SLCO1A2: variants seen among roughly 807,000 people sequenced by gnomAD.
The protein encoded by SLCO1A2 is solute carrier organic anion transporter family member 1A2, also known as OATP-1.
SLCO1A2 carries 67 observed loss-of-function variants against 69.0 expected under a neutral mutation model. The observed-to-expected ratio is 0.97, with a 90% confidence interval of 0.80 to 1.19. SLCO1A2 has a LOEUF of 1.19. Among genes scored for constraint, SLCO1A2 ranks in the 50% most tolerant of loss-of-function variants. The pLI, the probability that SLCO1A2 is intolerant of heterozygous loss-of-function variation, is 0.00. For missense variants in SLCO1A2, 787 were observed against 793.7 expected (o/e 0.99, Z 0.10); for synonymous variants, 260 against 265.9 (o/e 0.98, Z 0.22).
intron 2 of SLCO1A2, among the ~76,000 whole-genome samples, chr12:21,326,208 TC>T (rs1337446732): frequency 6.6e-6 from 1 of 152,132 alleles, no homozygotes; most frequent in African/African-American, 2.4e-5. Flanking sequence ...CTGTGAGGCT[TC>T]CCCAGCCATG....
At chr12:21,405,077 G>C (rs1941800333) in intron 1 of SLCO1A2, among the ~76,000 whole-genome samples, 1 of 82,668 alleles carries the variant, frequency 1.2e-5, no homozygotes, top group South Asian at 3.7e-4. Context: ...CTTTTTAATG[G>C]CTTTTTTTTT....
At chr12:21,287,276 G>A (rs1284183600) in intron 12 of SLCO1A2, among the ~76,000 whole-genome samples, 1 of 149,770 alleles carries the variant, frequency 6.7e-6, no homozygotes, top group South Asian at 2.1e-4. Flanking sequence ...ATCATCACTG[G>A]CCATCAGAGA....
chr12:21,386,885 G>A (rs915740459), intron 1 of SLCO1A2, among the ~76,000 whole-genome samples: 1 of 152,046 alleles, frequency 6.6e-6, no homozygotes, highest in Admixed American at 6.6e-5. Context: ...GCAGGGCTTT[G>A]GAGACAGGAA....
At chr12:21,275,304 A>AAAT (rs571047861) in intron 13 of SLCO1A2, 56 bp downstream of exon 13, 6 of 1,403,036 alleles carry the variant, frequency 4.3e-6, no homozygotes, top group African/African-American at 1.4e-5. Flanking sequence ...GTGTAATAAA[A>AAAT]AATAATAATA....
chr12:21,329,254 C>G (rs1179408428), intron 2 of SLCO1A2, among the ~76,000 whole-genome samples: 2 of 152,158 alleles, frequency 1.3e-5, no homozygotes, highest in African/African-American at 2.4e-5. Flanking sequence ...ATTATACCCT[C>G]TGGTTTTAAT....
At chr12:21,366,255 T>C (rs1159298143) in intron 2 of SLCO1A2, among the ~76,000 whole-genome samples, 2 of 151,974 alleles carry the variant, frequency 1.3e-5, no homozygotes, top group South Asian at 2.1e-4. Flanking sequence ...TATAGAGACA[T>C]GGAGGAAGCT....
At chr12:21,304,765 C>A (rs1949147017) in intron 5 of SLCO1A2, among the ~76,000 whole-genome samples, 192 bp from the exon 6 acceptor site, 1 of 152,116 alleles carries the variant, frequency 6.6e-6, no homozygotes, top group Non-Finnish European at 1.5e-5. Context: ...TGAGTATGGA[C>A]AAGTGTAAGT....
At chr12:21,345,446 T>A (rs1455040978) in intron 2 of SLCO1A2, among the ~76,000 whole-genome samples, 1 of 152,094 alleles carries the variant, frequency 6.6e-6, no homozygotes, top group East Asian at 1.9e-4. Flanking sequence ...TTACATCTTT[T>A]GTTTTTCCTT....
intron 1 of SLCO1A2, among the ~76,000 whole-genome samples, chr12:21,417,710 G>A (rs1236248038): frequency 1.3e-5 from 2 of 152,094 alleles, no homozygotes; most frequent in Non-Finnish European, 1.5e-5. Context: ...CAAAAATTAT[G>A]TAGAAGATGG....
intron 2 of SLCO1A2, among the ~76,000 whole-genome samples, chr12:21,359,812 A>C (rs1266987467): frequency 2.0e-5 from 3 of 152,208 alleles, no homozygotes; most frequent in Non-Finnish European, 4.4e-5. Flanking sequence ...AGAAAAGAAG[A>C]AGCATGTGTC....
chr12:21,278,824 G>A (rs902952006), intron 12 of SLCO1A2, among the ~76,000 whole-genome samples: 4 of 151,974 alleles, frequency 2.6e-5, no homozygotes, highest in Admixed American at 1.3e-4. Flanking sequence ...AGAACATACA[G>A]GAAAACATGA....
chr12:21,307,545 A>T (rs1949580628), intron 4 of SLCO1A2, among the ~76,000 whole-genome samples: 1 of 152,202 alleles, frequency 6.6e-6, no homozygotes, highest in Non-Finnish European at 1.5e-5. Context: ...AATCACCATG[A>T]CACATAATGT....
chr12:21,375,061 T>G (rs1217348935), intron 1 of SLCO1A2, among the ~76,000 whole-genome samples: 2 of 152,154 alleles, frequency 1.3e-5, no homozygotes, highest in Admixed American at 1.3e-4. Flanking sequence ...CAAGCCTTCC[T>G]CCTGCCTCAG....
intron 2 of SLCO1A2, among the ~76,000 whole-genome samples, chr12:21,359,580 A>G (rs573441895): frequency 6.6e-6 from 1 of 152,210 alleles, no homozygotes; most frequent in African/African-American, 2.4e-5. Flanking sequence ...TCACTAATAA[A>G]TGTCAATGGA....
At chr12:21,352,294 T>C (rs1295757758) in intron 2 of SLCO1A2, among the ~76,000 whole-genome samples, 2 of 152,208 alleles carry the variant, frequency 1.3e-5, no homozygotes, top group South Asian at 2.1e-4. Context: ...CAAAATTCTA[T>C]GAGGTTTGAG....
chr12:21,399,003 G>A (rs1333287327), upstream of SLCO1A2, among the ~76,000 whole-genome samples: 1 of 149,882 alleles, frequency 6.7e-6, no homozygotes, highest in Non-Finnish European at 1.5e-5. Context: ...CTATTCAACA[G>A]AGTGTTGGAA....
intron 2 of SLCO1A2, among the ~76,000 whole-genome samples, chr12:21,330,294 A>G (rs1452523986): frequency 6.6e-6 from 1 of 152,048 alleles, no homozygotes; most frequent in Non-Finnish European, 1.5e-5. Context: ...GGTGTTCGAG[A>G]CCAGCCTGGG....
intron 1 of SLCO1A2, among the ~76,000 whole-genome samples, chr12:21,412,968 G>C (rs1941931947): frequency 2.0e-5 from 3 of 152,158 alleles, no homozygotes; most frequent in Admixed American, 2.0e-4. Flanking sequence ...ACCCAGTTCT[G>C]CCAGATATGT....
At chr12:21,366,982 T>A (rs1470999671) in intron 2 of SLCO1A2, among the ~76,000 whole-genome samples, 1 of 151,816 alleles carries the variant, frequency 6.6e-6, no homozygotes, top group East Asian at 1.9e-4. Flanking sequence ...TAACACAAAT[T>A]TATATATTAA....
Sources: gnomAD v4.1 joint callset for allele counts (sites outside exome capture counted in the v4.1 genomes callset) on GRCh38, gnomAD v4.1.1 for gene constraint, MANE v1.5 for transcripts, NCBI Gene and HGNC (gene_info 2026-07-23, HGNC 2026-07-21) for gene names.